TBC1D5: variants seen among roughly 807,000 people sequenced by gnomAD.
The protein encoded by TBC1D5 is TBC1 domain family, member 5.
In TBC1D5, 75 loss-of-function variants were observed where a neutral mutation model predicts 100.3. The observed-to-expected ratio is 0.75, with a 90% CI of 0.62 to 0.91. The LOEUF is 0.91. Ranked by LOEUF, TBC1D5 falls within the 40% of genes least tolerant of loss-of-function variation. The pLI, the probability that TBC1D5 is intolerant of heterozygous loss-of-function variation, is 0.00. For synonymous variants in TBC1D5, 323 were observed against 325.6 expected (o/e 0.99, Z 0.09); for missense variants, 910 against 942.4 (o/e 0.97, Z 0.45).
chr3:17,239,396 C>T (rs768660196), intron 16 of TBC1D5, among the ~76,000 whole-genome samples: 6 of 152,162 alleles, frequency 3.9e-5, no homozygotes, highest in Non-Finnish European at 8.8e-5. Flanking sequence ...TAGCATACAA[C>T]CATGGTGAGT....
At chr3:17,590,162 C>T (rs1473314704) in intron 2 of TBC1D5, among the ~76,000 whole-genome samples, 2 of 152,170 alleles carry the variant, frequency 1.3e-5, no homozygotes, top group Non-Finnish European at 2.9e-5. Flanking sequence ...AAGTATGCTA[C>T]ACTCAAAAAG....
At chr3:17,461,129 G>A (rs577638022) in intron 3 of TBC1D5, among the ~76,000 whole-genome samples, 2 of 152,100 alleles carry the variant, frequency 1.3e-5, no homozygotes, top group Admixed American at 1.3e-4. Flanking sequence ...GTTGATTCCA[G>A]CACAGTATAT....
chr3:17,342,961 C>T (rs537544923), intron 13 of TBC1D5, among the ~76,000 whole-genome samples: 136 of 152,050 alleles, frequency 8.9e-4, no homozygotes, highest in African/African-American at 3.2e-3. Context: ...CCTCTATTTC[C>T]TTCTCCTGCC....
intron 15 of TBC1D5, among the ~76,000 whole-genome samples, chr3:17,285,943 A>G (rs2081145909): frequency 6.6e-6 from 1 of 152,232 alleles, no homozygotes; most frequent in African/African-American, 2.4e-5. Flanking sequence ...ATGAAATTAA[A>G]TTCTTATTTC....
intron 1 of TBC1D5, among the ~76,000 whole-genome samples, chr3:17,710,853 A>G (rs1418567813): frequency 3.3e-5 from 5 of 151,948 alleles, no homozygotes; most frequent in Non-Finnish European, 5.9e-5. Context: ...ATGCGTCACC[A>G]CGCCCAGCTA....
chr3:17,190,679 T>C (rs2069765736), intron 18 of TBC1D5, among the ~76,000 whole-genome samples: 2 of 152,212 alleles, frequency 1.3e-5, no homozygotes, highest in African/African-American at 2.4e-5. Flanking sequence ...CAGATTATTA[T>C]ACAGGCTGCA....
In TBC1D5 at chr3:17,308,657, A is replaced by G. The variant is rs146847979; in HGVS notation, c.996-523T>C. 2.3e-3 allele frequency among the ~76,000 whole-genome samples: 345 copies of G among 152,296 alleles called. 1 individual carries two copies. The highest frequency in any genetic ancestry group is 6.8e-3 in the Middle Eastern group (2 of 294). On this transcript the variant is annotated intron_variant, in intron 13 of 21. Coordinates refer to ENST00000253692, the Ensembl canonical transcript of TBC1D5. ...AAGTGTGGGAAAAAGCCAGTAGATA[A>G]CCATTTTTTTGGTCAAGCATAGACA...
intron 15 of TBC1D5, among the ~76,000 whole-genome samples, chr3:17,274,867 C>T (rs1441755658): frequency 6.6e-6 from 1 of 152,188 alleles, no homozygotes; most frequent in Non-Finnish European, 1.5e-5. Context: ...GGATGATGGA[C>T]AGACTTTGGG....
intron 2 of TBC1D5, among the ~76,000 whole-genome samples, chr3:17,522,711 C>T (rs1261088300): frequency 6.6e-6 from 1 of 152,102 alleles, no homozygotes; most frequent in Non-Finnish European, 1.5e-5. Flanking sequence ...AAAATATACA[C>T]CTCCTTTTCC....
chr3:17,168,587 G>A (rs1191941338), intron 19 of TBC1D5, among the ~76,000 whole-genome samples: 1 of 152,188 alleles, frequency 6.6e-6, no homozygotes, highest in African/African-American at 2.4e-5. Context: ...GTGGCGTTCT[G>A]AGGCAGGATT....
At chr3:17,729,937 T>C (rs4488868) in intron 1 of TBC1D5, among the ~76,000 whole-genome samples, 74,894 of 151,686 alleles carry the variant, frequency 0.49, 20,125 homozygotes, top group East Asian at 0.94. Context: ...GGTGAAACCC[T>C]ATCTCTACTA....
intron 15 of TBC1D5, among the ~76,000 whole-genome samples, chr3:17,280,676 G>C (rs968844263): frequency 2.0e-5 from 3 of 152,118 alleles, no homozygotes; most frequent in African/African-American, 7.2e-5. Context: ...TTCCCACTGA[G>C]AGCCACTTTC....
intron 1 of TBC1D5, among the ~76,000 whole-genome samples, chr3:17,670,095 C>T (rs578130766): frequency 4.6e-5 from 7 of 152,132 alleles, no homozygotes; most frequent in South Asian, 2.1e-4. Context: ...ACTATGTTGG[C>T]CAGGCTGGTC....
chr3:17,678,570 A>ACAATATTAGTTTGCAAGTTAAATAT (rs1560446256), intron 1 of TBC1D5, among the ~76,000 whole-genome samples: 1 of 151,008 alleles, frequency 6.6e-6, no homozygotes, highest in African/African-American at 2.5e-5. Context: ...GAAGCAAATC[A>ACAATATTAGTTTGCAAGTTAAATAT]TTCTGCCCAC....
chr3:17,549,808 T>C (rs1384131468), intron 2 of TBC1D5, among the ~76,000 whole-genome samples: 1 of 151,976 alleles, frequency 6.6e-6, no homozygotes, highest in Non-Finnish European at 1.5e-5. Context: ...TGCATGCCTG[T>C]ATTCCCAGCT....
chr3:17,426,413 C>G (rs934925805), intron 4 of TBC1D5, among the ~76,000 whole-genome samples: 4 of 152,060 alleles, frequency 2.6e-5, no homozygotes, highest in Admixed American at 2.0e-4. Flanking sequence ...GAAAAATATT[C>G]ATTTCACACC....
At chr3:17,515,935 T>C (rs1280269422) in intron 2 of TBC1D5, among the ~76,000 whole-genome samples, 3 of 152,204 alleles carry the variant, frequency 2.0e-5, no homozygotes, top group Non-Finnish European at 2.9e-5. Context: ...AAAACTGTAG[T>C]TGGGGATTTT....
intron 3 of TBC1D5, among the ~76,000 whole-genome samples, chr3:17,502,237 T>C (rs1285905563): frequency 1.3e-5 from 2 of 149,840 alleles, no homozygotes; most frequent in East Asian, 1.9e-4. Context: ...AATTCACTTA[T>C]ATGAAATATA....
intron 18 of TBC1D5, among the ~76,000 whole-genome samples, chr3:17,202,988 G>A (rs1016605856): frequency 1.1e-4 from 17 of 152,202 alleles, no homozygotes; most frequent in African/African-American, 4.1e-4. Flanking sequence ...TGTGACAAGA[G>A]GGCCACTGTC....
Sources: allele counts gnomAD v4.1 joint callset (sites outside exome capture counted in the v4.1 genomes callset), GRCh38; gene constraint gnomAD v4.1.1; transcripts MANE v1.5; gene names NCBI Gene and HGNC (gene_info 2026-07-23, HGNC 2026-07-21).